Variants in EPHA7 observed in about 807,000 individuals in gnomAD.
The protein encoded by EPHA7 is ephrin type-A receptor 7.
In EPHA7, 25 loss-of-function variants were observed where a neutral mutation model predicts 112.6. The observed-to-expected ratio is 0.22, with a 90% CI of 0.16 to 0.31. The LOEUF (loss-of-function observed/expected upper bound fraction) is 0.31, where lower values mean the gene tolerates loss of function less well. Ranked by LOEUF, EPHA7 falls within the 10% of genes least tolerant of loss-of-function variation. The probability of loss-of-function intolerance (pLI) is 1.00; values close to 1 mark genes in which losing one functional copy is unlikely to be tolerated. For missense variants in EPHA7, 962 were observed against 1,212.6 expected (o/e 0.79, Z 3.07); for synonymous variants, 437 against 406.5 (o/e 1.07, Z -0.90).
At chr6:93,306,089 A>G (rs1424358558) in intron 5 of EPHA7, among the ~76,000 whole-genome samples, 1 of 151,992 alleles carries the variant, frequency 6.6e-6, no homozygotes, top group African/African-American at 2.4e-5. Flanking sequence ...TACTTACTTG[A>G]ACTAAATTAG....
intron 5 of EPHA7, among the ~76,000 whole-genome samples, chr6:93,304,055 T>G (rs1773128522): frequency 6.6e-6 from 1 of 151,902 alleles, no homozygotes; most frequent in Non-Finnish European, 1.5e-5. Flanking sequence ...GAAGAGGACA[T>G]TGGACATTTC....
intron 5 of EPHA7, among the ~76,000 whole-genome samples, chr6:93,342,920 A>G (rs74878714): frequency 0.026 from 4,008 of 151,854 alleles, 177 homozygotes; most frequent in African/African-American, 0.092. Flanking sequence ...ATTGTCTGCA[A>G]GAACAAACTT....
intron 3 of EPHA7, among the ~76,000 whole-genome samples, chr6:93,399,693 T>G (rs1196509113): frequency 6.6e-6 from 1 of 152,086 alleles, no homozygotes; most frequent in Non-Finnish European, 1.5e-5. Context: ...CGCGTGCACA[T>G]ACATATGAGT....
At chr6:93,393,407 T>A (rs778707769) in intron 3 of EPHA7, among the ~76,000 whole-genome samples, 2 of 151,800 alleles carry the variant, frequency 1.3e-5, no homozygotes, top group African/African-American at 2.4e-5. Flanking sequence ...ATGAAATATA[T>A]TTAGTACCCT....
At chr6:93,327,156 T>C (rs1174867481) in intron 5 of EPHA7, among the ~76,000 whole-genome samples, 1 of 151,622 alleles carries the variant, frequency 6.6e-6, no homozygotes, top group Non-Finnish European at 1.5e-5. Flanking sequence ...ACTAGACTCA[T>C]ACTGAATTGA....
In EPHA7 at chr6:93,396,466, T is replaced by C. The variant is rs141815590; in HGVS notation, c.832+14035A>G. Among the ~76,000 whole-genome samples, 143 of 152,002 alleles carry C rather than the reference T, an allele frequency of 9.4e-4. No individual in the cohort carries two copies. In the Middle Eastern group the frequency reaches 0.041, roughly 44 times the overall value. ...AAAAATATTTAATACCTAACAAAGA[T>C]GCTATAACGATATAATAAATTACAT... is the stretch of plus-strand genomic sequence containing the variant. On this transcript the variant is annotated intron_variant, in intron 3 of 16. Transcript: ENST00000369303.
At chr6:93,269,160 C>T (rs1771087509) in intron 7 of EPHA7, among the ~76,000 whole-genome samples, 1 of 151,662 alleles carries the variant, frequency 6.6e-6, no homozygotes, top group African/African-American at 2.4e-5. Context: ...AAGATTGTTT[C>T]GAGGTCGACA....
Position 93,373,809 on chromosome 6 carries a change from T to G in EPHA7, c.833-15398A>C, listed in dbSNP as rs540909602. Among the ~76,000 whole-genome samples, 19 of 152,104 alleles carry G rather than the reference T, an allele frequency of 1.2e-4. No individual in the cohort carries two copies. In the East Asian group the frequency reaches 3.3e-3, roughly 26 times the overall value. ...CACAAGCTTAACATAAGTGTGCCAT[T>G]TACTAATGGATTAGTATATTGTTAC... On this transcript the variant is annotated intron_variant, in intron 3 of 16. Coordinates refer to ENST00000369303, the MANE Select transcript of EPHA7 (RefSeq NM_004440.4).
chr6:93,260,841 G>A (rs1582405479), intron 9 of EPHA7: 20 of 659,026 alleles, frequency 3.0e-5, no homozygotes, highest in Non-Finnish European at 3.6e-5. Context: ...GGAGAAAAGA[G>A]AGAAGAAGGA....
chr6:93,283,174 G>T (rs548770428), intron 5 of EPHA7, among the ~76,000 whole-genome samples: 1 of 152,270 alleles, frequency 6.6e-6, no homozygotes, highest in East Asian at 1.9e-4. Context: ...ACACCAATCA[G>T]CACTCTGTGT....
At chr6:93,318,362 G>A (rs932675721) in intron 5 of EPHA7, among the ~76,000 whole-genome samples, 1 of 152,028 alleles carries the variant, frequency 6.6e-6, no homozygotes, top group Admixed American at 6.6e-5. Context: ...ACAGAAAGAA[G>A]CTACTTGGAA....
intron 5 of EPHA7, among the ~76,000 whole-genome samples, chr6:93,329,279 C>T (rs1304482834): frequency 1.3e-5 from 2 of 151,276 alleles, no homozygotes; most frequent in African/African-American, 4.8e-5. Flanking sequence ...GGCCACTAAA[C>T]ATTTATCATA....
intron 7 of EPHA7, among the ~76,000 whole-genome samples, chr6:93,266,277 T>C (rs905996420): frequency 1.3e-5 from 2 of 151,684 alleles, no homozygotes; most frequent in African/African-American, 4.8e-5. Flanking sequence ...AAAAATTATG[T>C]ACATATGTTA....
chr6:93,330,454 A>G (rs888259693), intron 5 of EPHA7, among the ~76,000 whole-genome samples: 4 of 151,210 alleles, frequency 2.6e-5, no homozygotes, highest in Non-Finnish European at 5.9e-5. Flanking sequence ...CTCTCCCCTA[A>G]CCTTCTCAGT....
intron 3 of EPHA7, among the ~76,000 whole-genome samples, chr6:93,402,246 T>C (rs1194518489): frequency 6.6e-6 from 1 of 152,036 alleles, no homozygotes; most frequent in Non-Finnish European, 1.5e-5. Flanking sequence ...AAGTACCATG[T>C]TAAATGCATT....
At chr6:93,323,853 C>A (rs1774189903) in intron 5 of EPHA7, among the ~76,000 whole-genome samples, 1 of 151,382 alleles carries the variant, frequency 6.6e-6, no homozygotes, top group African/African-American at 2.4e-5. Context: ...CATTTTCACA[C>A]CAAATCTGTA....
At chr6:93,273,087 A>C (rs1002600682) in intron 5 of EPHA7, among the ~76,000 whole-genome samples, 1 of 151,996 alleles carries the variant, frequency 6.6e-6, no homozygotes, top group African/African-American at 2.4e-5. Context: ...CTAGGCTTCA[A>C]GCTTTGAAAG....
chr6:93,386,678 C>A (rs530836791), intron 3 of EPHA7, among the ~76,000 whole-genome samples: 8 of 150,698 alleles, frequency 5.3e-5, no homozygotes, highest in South Asian at 4.1e-4. Context: ...CAGAGGTTCT[C>A]CACGAGGGCT....
chr6:93,259,016 GA>G (rs973791559), intron 10 of EPHA7, among the ~76,000 whole-genome samples: 1 of 151,804 alleles, frequency 6.6e-6, no homozygotes, highest in African/African-American at 2.4e-5. Flanking sequence ...CAAGTAAAAG[GA>G]AATGTGCAGC....
Sources: allele counts gnomAD v4.1 joint callset (sites outside exome capture counted in the v4.1 genomes callset), GRCh38; gene constraint gnomAD v4.1.1; transcripts MANE v1.5; gene names NCBI Gene and HGNC (gene_info 2026-07-23, HGNC 2026-07-21).